The following NEXN variants were observed in gnomAD, a reference collection of about 807,000 sequenced individuals.
NEXN encodes the protein nexilin F-actin binding protein, also known as nexilin.
Under a neutral mutation model 92.6 loss-of-function variants are expected in NEXN, and 65 were observed. The ratio of observed to expected loss-of-function variants is 0.70; its 90% CI spans 0.57 to 0.86. The LOEUF is 0.86. Ranked by LOEUF, NEXN falls within the 40% of genes least tolerant of loss-of-function variation. NEXN has a pLI of 0.00. For synonymous variants in NEXN, 254 were observed against 242.5 expected, an observed-to-expected ratio of 1.05 and a Z score of -0.44; for missense variants, 778 against 771.1, an observed-to-expected ratio of 1.01 and a Z score of -0.11.
chr1:77,925,159 T>G, intron 5 of NEXN, 29 bp from the exon 6 acceptor site: 1 of 1,468,532 alleles, frequency 6.8e-7, no homozygotes, highest in Non-Finnish European at 9.5e-7. Context: ...TCTGATGTAA[T>G]GTAATGATAT....
intron 1 of NEXN, among the ~76,000 whole-genome samples, chr1:77,903,730 C>G (rs142279254): frequency 7.3e-4 from 111 of 152,052 alleles, no homozygotes; most frequent in African/African-American, 2.5e-3. Flanking sequence ...GACTGACAAG[C>G]CATGGGCAAT....
rs368812830 is a variant in NEXN, at chr1:77,936,024, G to A, written c.1453G>A (p.Glu485Lys). 79 of 1,613,110 alleles carry A rather than the reference G, an allele frequency of 4.9e-5. No individual in the cohort carries two copies. Among genetic ancestry groups the A allele is most frequent in the Non-Finnish European group, 6.3e-5 (74 of 1,179,468 alleles). ...AATTGACCTTGAAATTAAAGAGCGA[G>A]AAGCTGAAAATTTTCATGAGGTATA... ...RAIDLEIKEREAENFHEEDDV... is the reference protein window; with the variant it reads ...RAIDLEIKERKAENFHEEDDV... Residue 485 changes from glutamate (E) to lysine (K), a missense_variant, in exon 11 of 13, where the codon GAA (glutamate) becomes AAA (lysine). Around this residue, in one of 3 missense-constraint regions of NEXN, gnomAD observed 532 missense variants for 476.7 expected, o/e 1.12. Transcript: ENST00000334785.
rs760119697 is a variant in NEXN at position 77,942,723 on chromosome 1, T to C, written c.1922T>C (p.Leu641Ser). 3 of 1,613,706 alleles carry C rather than the reference T, an allele frequency of 1.9e-6. No homozygotes were observed. The South Asian group carries it at 3.3e-5, about 18-fold the overall frequency. The change falls in exon 13 of 13, where the codon TTA becomes TCA. Residue 641 changes from leucine to serine, a missense_variant. By Grantham distance (145) the Leu-to-Ser change is moderately radical (BLOSUM62 -2). Coordinates refer to ENST00000334785, the MANE Select transcript of NEXN (RefSeq NM_144573.4). ...IERGETYCLY[L>S]PETFPEDGGE... is the part of the protein sequence containing the mutation. ...AGGGGAGAAACTTACTGCCTTTACT[T>C]ACCAGAAACTTTCCCAGAAGATGGA...
At chr1:77,938,938 G>C (rs1311269933) in intron 11 of NEXN, among the ~76,000 whole-genome samples, 2 of 152,198 alleles carry the variant, frequency 1.3e-5, no homozygotes, top group Admixed American at 1.3e-4. Flanking sequence ...GTTAATGAAA[G>C]TCTTTTTAAA....
chr1:77,896,554 G>A (rs562489604), intron 1 of NEXN, among the ~76,000 whole-genome samples: 15 of 152,238 alleles, frequency 9.9e-5, no homozygotes, highest in Non-Finnish European at 2.1e-4. Context: ...GAGCTCAGGA[G>A]TTCAAGGCCA....
At chr1:77,936,881 T>C (rs1650809149) in intron 11 of NEXN, among the ~76,000 whole-genome samples, 1 of 152,190 alleles carries the variant, frequency 6.6e-6, no homozygotes, top group Non-Finnish European at 1.5e-5. Flanking sequence ...ATGAAGAAAC[T>C]GTGTGCCAAT....
chr1:77,929,094 T>G (rs897557040), intron 8 of NEXN, among the ~76,000 whole-genome samples: 2 of 152,208 alleles, frequency 1.3e-5, no homozygotes, highest in African/African-American at 4.8e-5. Context: ...TTTGGCTTAT[T>G]TGAGAAGTTT....
At chr1:77,908,313 G>A (rs891635560) in intron 1 of NEXN, among the ~76,000 whole-genome samples, 1 of 151,558 alleles carries the variant, frequency 6.6e-6, no homozygotes, top group Non-Finnish European at 1.5e-5. Context: ...GGGCTCAAGC[G>A]ATTCTCCCAC....
At chr1:77,928,155 T>C (rs1371948126) in intron 8 of NEXN, among the ~76,000 whole-genome samples, 1 of 151,548 alleles carries the variant, frequency 6.6e-6, no homozygotes. Context: ...CAAAAACAAA[T>C]ACAAAAATTA....
intron 11 of NEXN, among the ~76,000 whole-genome samples, chr1:77,937,710 TA>T (rs955760457): frequency 2.0e-5 from 3 of 151,824 alleles, no homozygotes; most frequent in Non-Finnish European, 2.9e-5. Flanking sequence ...AAATAAAAAA[TA>T]AAAAAAATTA....
chr1:77,913,511 T>C (rs1648742507), intron 1 of NEXN, among the ~76,000 whole-genome samples: 1 of 151,688 alleles, frequency 6.6e-6, no homozygotes, highest in Non-Finnish European at 1.5e-5. Flanking sequence ...CTTTAATATA[T>C]TATTTAATAT....
chr1:77,902,486 T>C (rs1647802243), intron 1 of NEXN, among the ~76,000 whole-genome samples: 1 of 152,188 alleles, frequency 6.6e-6, no homozygotes, highest in Non-Finnish European at 1.5e-5. Flanking sequence ...TAGGAGGATG[T>C]ACTACATAGA....
chr1:77,889,716 A>G (rs1647063294), intron 1 of NEXN, among the ~76,000 whole-genome samples: 1 of 152,186 alleles, frequency 6.6e-6, no homozygotes. Context: ...TCCTAACAAA[A>G]TGTCCTTGGT....
intron 1 of NEXN, among the ~76,000 whole-genome samples, chr1:77,904,538 G>A (rs1311315839): frequency 6.6e-6 from 1 of 152,142 alleles, no homozygotes; most frequent in Non-Finnish European, 1.5e-5. Flanking sequence ...ATATTGAAAA[G>A]CTTTATGTGA....
chr1:77,894,508 A>G (rs925075423), intron 1 of NEXN, among the ~76,000 whole-genome samples: 1 of 150,794 alleles, frequency 6.6e-6, no homozygotes, highest in Non-Finnish European at 1.5e-5. Context: ...TGGCGTGATC[A>G]GGGTTCACTG....
intron 1 of NEXN, among the ~76,000 whole-genome samples, chr1:77,907,696 ATAAT>A (rs1311970166): frequency 2.0e-5 from 3 of 152,236 alleles, no homozygotes; most frequent in Non-Finnish European, 2.9e-5. Flanking sequence ...TTCTAAATCT[ATAAT>A]TAAGTCAAGA....
chr1:77,910,253 C>G (rs1287831508), intron 1 of NEXN, among the ~76,000 whole-genome samples: 1 of 152,178 alleles, frequency 6.6e-6, no homozygotes, highest in African/African-American at 2.4e-5. Context: ...CATATTTCTC[C>G]TAAGATCAGG....
intron 1 of NEXN, among the ~76,000 whole-genome samples, chr1:77,896,404 TC>T (rs1647258623): frequency 6.6e-6 from 1 of 152,092 alleles, no homozygotes; most frequent in South Asian, 2.1e-4. Flanking sequence ...ACAATATTCC[TC>T]TCCTCACCTC....
At chr1:77,894,917 T>C (rs957830203) in intron 1 of NEXN, among the ~76,000 whole-genome samples, 7 of 151,440 alleles carry the variant, frequency 4.6e-5, no homozygotes, top group African/African-American at 1.7e-4. Context: ...AGTTTCACCA[T>C]GTTGGCCAGG....
Sources: gnomAD v4.1 joint callset for allele counts (sites outside exome capture counted in the v4.1 genomes callset) on GRCh38, gnomAD v4.1.1 for gene constraint, gnomAD v4.1.1 regional missense constraint, MANE v1.5 for transcripts, NCBI Gene and HGNC (gene_info 2026-07-23, HGNC 2026-07-21) for gene names.